ANO3: variants seen among roughly 807,000 people sequenced by gnomAD.
ANO3 encodes anoctamin-3.
ANO3 carries 99 observed loss-of-function variants against 144.8 expected under a neutral mutation model. The ratio of observed to expected loss-of-function variants is 0.68; its 90% CI spans 0.58 to 0.81. The LOEUF (loss-of-function observed/expected upper bound fraction) is 0.81, where lower values mean the gene tolerates loss of function less well. Among genes scored for constraint, ANO3 ranks in the 30% least tolerant of loss-of-function variants. The probability of loss-of-function intolerance (pLI) is 0.00; values close to 1 mark genes in which losing one functional copy is unlikely to be tolerated. For missense variants in ANO3, 905 were observed against 1,202.2 expected (o/e 0.75, Z 3.66); for synonymous variants, 414 against 392.6 (o/e 1.05, Z -0.64).
intron 17 of ANO3, among the ~76,000 whole-genome samples, chr11:26,609,324 TTCACATGCAGGA>T (rs72196556): frequency 0.29 from 43,685 of 151,454 alleles, 6,689 homozygotes; most frequent in South Asian, 0.45. Flanking sequence ...TCACATGCTA[TTCACATGCAGGA>T]TCACATGCAG....
rs1852195942 is a variant in ANO3 at position 26,223,616 on chromosome 11, A to AAAT, written c.154+34288_154+34289insTAA. 2.0e-5 allele frequency among the ~76,000 whole-genome samples: 3 copies of AAAT among 146,898 alleles called. No homozygotes were observed. The South Asian group carries it at 6.6e-4, about 32-fold the overall frequency. ...TAGCTTTTTAATAAAAAAAAAAAAA[A>AAAT]AAAAAACCCTGAGATTGGGTAATTT... On this transcript the variant is annotated intron_variant, in intron 1 of 27. Transcript: ENST00000672621.
At chr11:26,389,248 T>G (rs1856814446) in intron 1 of ANO3, among the ~76,000 whole-genome samples, 3 of 152,110 alleles carry the variant, frequency 2.0e-5, no homozygotes, top group Admixed American at 6.6e-5. Flanking sequence ...TTAGGAACAT[T>G]TACTGAGAGT....
intron 20 of ANO3, among the ~76,000 whole-genome samples, chr11:26,636,756 G>C (rs1211353037): frequency 6.6e-6 from 1 of 152,220 alleles, no homozygotes; most frequent in Non-Finnish European, 1.5e-5. Flanking sequence ...AAGACATAAT[G>C]AAAATTTATT....
chr11:26,538,227 G>C (rs1047560208), intron 10 of ANO3, among the ~76,000 whole-genome samples: 3 of 152,100 alleles, frequency 2.0e-5, no homozygotes, highest in African/African-American at 7.2e-5. Context: ...ACAACCCTTT[G>C]AGATATACAA....
At position 26,442,031 on chromosome 11, in the gene ANO3, A is replaced by G. The variant is rs750849093; in HGVS notation, c.160A>G (p.Thr54Ala). The G allele has an allele frequency of 1.5e-5, 25 of 1,614,072 alleles. No individual in the cohort carries two copies. Among genetic ancestry groups the G allele is most frequent in the Non-Finnish European group, 2.1e-5 (25 of 1,180,038 alleles). ...TTACTCAAAGAGCTTGAGCCAGTCTACTTCCCTCTTCCAGTCAACCGAGAG... is the reference window on the plus strand; with the variant it reads ...TTACTCAAAGAGCTTGAGCCAGTCTGCTTCCCTCTTCCAGTCAACCGAGAG... Reference protein sequence around the residue: ...YAYSKSLSQSTSLFQSTESES... With the variant: ...YAYSKSLSQSASLFQSTESES... Residue 54 changes from threonine to alanine, a missense_variant, in exon 2 of 27, where the codon ACT (threonine) becomes GCT (alanine). Thr to Ala is a moderately conservative substitution (Grantham distance 58, BLOSUM62 0). Around this residue, in one of 4 missense-constraint regions of ANO3, gnomAD observed 174 missense variants for 171.9 expected, o/e 1.01. Transcript: ENST00000256737.
Position 26,472,577 on chromosome 11 carries a change from G to GA in ANO3, c.432+9430dup, listed in dbSNP as rs1204290317. 3.9e-5 allele frequency among the ~76,000 whole-genome samples: 6 copies of GA among 151,908 alleles called. No individual in the cohort carries two copies. The East Asian group carries it at 1.2e-3, about 30-fold the overall frequency. On this transcript the variant is annotated intron_variant, in intron 4 of 26. Coordinates refer to ENST00000256737, the MANE Select transcript of ANO3 (RefSeq NM_031418.4). ...GTGTGCAAGGGACTATAGAAACCATGAGACAAGTGAATTGGGTAGTTAGGG... is the reference window on the plus strand; with the variant it reads ...GTGTGCAAGGGACTATAGAAACCATGAAGACAAGTGAATTGGGTAGTTAGGG...
At chr11:26,562,176 C>T (rs1336790764) in intron 14 of ANO3, among the ~76,000 whole-genome samples, 1 of 151,762 alleles carries the variant, frequency 6.6e-6, no homozygotes, top group Non-Finnish European at 1.5e-5. Flanking sequence ...TGAAAACCAC[C>T]GTTATAAATC....
chr11:26,484,873 G>T (rs117780366), intron 4 of ANO3, among the ~76,000 whole-genome samples: 277 of 152,300 alleles, frequency 1.8e-3, no homozygotes, highest in South Asian at 7.7e-3. Context: ...TGAAGTCAAA[G>T]GAGATTATTT....
At chr11:26,619,854 C>G (rs1288880801) in intron 17 of ANO3, among the ~76,000 whole-genome samples, 1 of 152,184 alleles carries the variant, frequency 6.6e-6, no homozygotes, top group Non-Finnish European at 1.5e-5. Context: ...CAAAAATACT[C>G]TCTAGTAATT....
At chr11:26,357,522 TTC>T (rs975537003) in intron 1 of ANO3, among the ~76,000 whole-genome samples, 146 of 152,144 alleles carry the variant, frequency 9.6e-4, no homozygotes, top group African/African-American at 3.3e-3. Flanking sequence ...TTTCAATTTT[TTC>T]TGTTTTTTTT....
Position 26,660,416 on chromosome 11 carries a change from G to A in ANO3, c.2918G>A (p.Gly973Asp), listed in dbSNP as rs1256951874. Residue 973 changes from glycine to aspartate, a missense_variant, in exon 27 of 27, where the codon GGT (glycine) becomes GAT (aspartate). Transcript: ENST00000256737. ...TTGCAACAACAACGGAGAAAAAGTG[G>A]TCAGCCTGTTCACCATGAATGGCCT... The part of the protein sequence containing the change: ...EHLQQQRRKS[G>D]QPVHHEWP The A allele has an allele frequency of 6.2e-7, 1 of 1,612,992 alleles. No individual in the cohort carries two copies. Among genetic ancestry groups the A allele is most frequent in the South Asian group, 1.1e-5 (1 of 90,826 alleles).
At chr11:26,333,448 AT>A (rs1158796104) in intron 1 of ANO3, among the ~76,000 whole-genome samples, 2 of 151,672 alleles carry the variant, frequency 1.3e-5, no homozygotes, top group African/African-American at 4.8e-5. Flanking sequence ...AGCCCAGCTA[AT>A]TTTTTTGTGT....
intron 1 of ANO3, among the ~76,000 whole-genome samples, chr11:26,189,797 T>C (rs796463745): frequency 5.3e-5 from 8 of 152,350 alleles, no homozygotes; most frequent in African/African-American, 1.7e-4. Flanking sequence ...TTCATTTTAG[T>C]TATTTTATGA....
At chr11:26,303,731 T>A (rs35121726) in intron 1 of ANO3, among the ~76,000 whole-genome samples, 5,927 of 152,202 alleles carry the variant, frequency 0.039, 403 homozygotes, top group African/African-American at 0.14. Flanking sequence ...ATTATTTTAT[T>A]TATTTTTAGA....
chr11:26,551,496 G>C (rs181593978), intron 12 of ANO3, among the ~76,000 whole-genome samples: 1 of 151,942 alleles, frequency 6.6e-6, no homozygotes, highest in Non-Finnish European at 1.5e-5. Flanking sequence ...CAAGTTGAAT[G>C]TTGAGTAACT....
intron 12 of ANO3, among the ~76,000 whole-genome samples, chr11:26,548,076 C>T (rs1565096106): frequency 6.6e-6 from 1 of 151,986 alleles, no homozygotes; most frequent in Non-Finnish European, 1.5e-5. Flanking sequence ...CTCTAAGCAA[C>T]CTCCTCTACT....
At chr11:26,452,929 A>G (rs1223468457) in intron 3 of ANO3, among the ~76,000 whole-genome samples, 1 of 152,248 alleles carries the variant, frequency 6.6e-6, no homozygotes, top group Non-Finnish European at 1.5e-5. Flanking sequence ...AATATTCAAC[A>G]TTCTTAAAGA....
intron 1 of ANO3, among the ~76,000 whole-genome samples, chr11:26,325,751 C>T (rs1328371135): frequency 6.6e-6 from 1 of 151,988 alleles, no homozygotes; most frequent in African/African-American, 2.4e-5. Context: ...CACTATTTTC[C>T]TTTAGAGGGG....
intron 14 of ANO3, among the ~76,000 whole-genome samples, chr11:26,584,989 G>A (rs188389): frequency 0.87 from 133,073 of 152,164 alleles, 58,504 homozygotes; most frequent in East Asian, 0.96. Context: ...ATGCTTTATT[G>A]TCTTCAGCTT....
Sources: gnomAD v4.1 joint callset for allele counts (sites outside exome capture counted in the v4.1 genomes callset) on GRCh38, gnomAD v4.1.1 for gene constraint, gnomAD v4.1.1 regional missense constraint, MANE v1.5 for transcripts, NCBI Gene and HGNC (gene_info 2026-07-23, HGNC 2026-07-21) for gene names.